The following ST3GAL1 variants were observed in gnomAD, a reference collection of about 807,000 sequenced individuals.
The protein encoded by ST3GAL1 is CMP-N-acetylneuraminate-beta-galactosamide-alpha-2,3-sialyltransferase 1.
A neutral mutation model predicts 34.1 loss-of-function variants in ST3GAL1; 16 were observed. That is an observed-to-expected ratio of 0.47 (90% CI 0.32 to 0.71). The LOEUF (loss-of-function observed/expected upper bound fraction) is 0.71, where lower values mean the gene tolerates loss of function less well. Among genes scored for constraint, ST3GAL1 ranks in the 30% least tolerant of loss-of-function variants. The pLI, the probability that ST3GAL1 is intolerant of heterozygous loss-of-function variation, is 0.04. For missense variants in ST3GAL1, 353 were observed against 447.4 expected (o/e 0.79, Z 1.90); for synonymous variants, 191 against 184.7 (o/e 1.03, Z -0.28).
chr8:133,543,267 G>A (rs934626194), intron 2 of ST3GAL1, among the ~76,000 whole-genome samples: 6 of 152,222 alleles, frequency 3.9e-5, no homozygotes, highest in Non-Finnish European at 4.4e-5. Context: ...AAAGGTTAAC[G>A]TGCTGAAATA....
At chr8:133,490,372 G>GT (rs1272773580) in intron 3 of ST3GAL1, among the ~76,000 whole-genome samples, 6 of 152,206 alleles carry the variant, frequency 3.9e-5, no homozygotes, top group Non-Finnish European at 7.3e-5. Flanking sequence ...GGCGGCATGC[G>GT]TATCTTCACT....
chr8:133,489,558 C>T (rs1248685053), intron 3 of ST3GAL1: 1 of 152,394 alleles, frequency 6.6e-6, no homozygotes, highest in Non-Finnish European at 1.5e-5. Context: ...ATTTCATCCT[C>T]AGGCTCATGA....
Position 133,544,565 on chromosome 8 carries a change from CT to C in ST3GAL1, c.-429+1208del, listed in dbSNP as rs143999691. On this transcript the variant is annotated intron_variant, in intron 2 of 9. Coordinates refer to ENST00000522652, the MANE Select transcript of ST3GAL1 (RefSeq NM_173344.3). ...TTCTTCCTCTCCTTGTTTCTTATCG[CT>C]CTTGCCCATATATCTACCCCTTGGG... Among the ~76,000 whole-genome samples, 1,061 of 152,298 alleles carry C rather than the reference CT, an allele frequency of 7.0e-3. 15 individuals carry two copies. The highest frequency in any genetic ancestry group is 0.024 in the African/African-American group (1,012 of 41,552).
At chr8:133,558,411 G>A (rs1401326669) in intron 1 of ST3GAL1, among the ~76,000 whole-genome samples, 4 of 152,180 alleles carry the variant, frequency 2.6e-5, no homozygotes, top group Non-Finnish European at 2.9e-5. Flanking sequence ...TGAAGGACAC[G>A]CAGTTAGGCA....
chr8:133,474,002 G>C (rs1816065722), intron 5 of ST3GAL1, among the ~76,000 whole-genome samples: 1 of 152,188 alleles, frequency 6.6e-6, no homozygotes, highest in African/African-American at 2.4e-5. Flanking sequence ...GCCCACCCCA[G>C]GACCTGCACA....
intron 1 of ST3GAL1, among the ~76,000 whole-genome samples, chr8:133,560,779 C>T (rs987358798): frequency 2.6e-5 from 4 of 152,168 alleles, no homozygotes; most frequent in African/African-American, 9.7e-5. Flanking sequence ...AAATGGTGCA[C>T]TTATAAATCC....
intron 3 of ST3GAL1, among the ~76,000 whole-genome samples, chr8:133,486,369 C>T (rs1298173257): frequency 6.6e-6 from 1 of 152,222 alleles, no homozygotes. Flanking sequence ...TGTGAGCCCT[C>T]CCTTCCCTTG....
In ST3GAL1 at chr8:133,461,862, G is replaced by C; in HGVS notation, c.849+13C>G. ...TTCGAGGCAGCCCTGTGGGCAGGGG[G>C]AGGGTGGCATACCTCATCGCAGACA... is the stretch of plus-strand genomic sequence containing the variant. On this transcript the variant is annotated intron_variant, in intron 9 of 9. Transcript: ENST00000522652. This position sits in a 1 kb window ranked among gnomAD's most constrained non-coding sequence, Gnocchi z 4.7. The C allele has an allele frequency of 1.2e-6, 2 of 1,613,976 alleles. No homozygotes were observed. The highest frequency in any genetic ancestry group is 1.7e-6 in the Non-Finnish European group (2 of 1,179,918).
chr8:133,495,209 T>C (rs1816908482), intron 3 of ST3GAL1, among the ~76,000 whole-genome samples: 1 of 152,136 alleles, frequency 6.6e-6, no homozygotes, highest in Admixed American at 6.5e-5. Context: ...TGAGCCACCG[T>C]GCCCAGCCTC....
chr8:133,509,683 T>C (rs1412246434), intron 2 of ST3GAL1, among the ~76,000 whole-genome samples: 2 of 152,212 alleles, frequency 1.3e-5, no homozygotes, highest in Non-Finnish European at 2.9e-5. Context: ...GTAAAAGGGA[T>C]AATTTTACAG....
chr8:133,558,062 A>G (rs1415862569), intron 1 of ST3GAL1, among the ~76,000 whole-genome samples: 1 of 152,224 alleles, frequency 6.6e-6, no homozygotes, highest in Non-Finnish European at 1.5e-5. Flanking sequence ...TCCTAAGAGC[A>G]CCATTCTGCC....
At position 133,553,698 on chromosome 8, in the gene ST3GAL1, T is replaced by C. The variant is rs774978808; in HGVS notation, c.-581-7772A>G. Among the ~76,000 whole-genome samples the C allele has an allele frequency of 3.8e-4, 58 of 152,272 alleles. 1 individual carries two copies. The highest frequency in any genetic ancestry group is 1.3e-3 in the African/African-American group (54 of 41,538). ...GCGAGTATCTTTCTGTTATCATCAT[T>C]TGAGGGCACTTAGTAAAGCATAGAG... On this transcript the variant is annotated intron_variant, in intron 1 of 9. Transcript: ENST00000522652.
At position 133,556,115 on chromosome 8, in the gene ST3GAL1, C is replaced by T. The variant is rs1026369942; in HGVS notation, c.-581-10189G>A. On this transcript the variant is annotated intron_variant, in intron 1 of 9. Coordinates refer to ENST00000522652, the MANE Select transcript of ST3GAL1 (RefSeq NM_173344.3). The surrounding 1 kb of genome is among the most constrained non-coding windows in gnomAD (Gnocchi z 8.9). ...TTCATCATGTTGCCCAGGCTGATCT[C>T]GAACTCCTGAGCTCAGGCAATCCAC... 9.9e-5 allele frequency among the ~76,000 whole-genome samples: 15 copies of T among 152,228 alleles called. No individual in the cohort carries two copies. The highest frequency in any genetic ancestry group is 1.9e-4 in the East Asian group (1 of 5,178).
chr8:133,544,094 T>C (rs1330120047), intron 2 of ST3GAL1: 1 of 152,230 alleles, frequency 6.6e-6, no homozygotes, highest in Non-Finnish European at 1.5e-5. Flanking sequence ...TTGTTCTTGC[T>C]TGTGCTTGGG....
intron 3 of ST3GAL1, among the ~76,000 whole-genome samples, chr8:133,484,848 T>C (rs1816522320): frequency 6.6e-6 from 1 of 152,166 alleles, no homozygotes; most frequent in Non-Finnish European, 1.5e-5. Context: ...CCGCTGACCC[T>C]GGGTGATGAG....
intron 2 of ST3GAL1, among the ~76,000 whole-genome samples, chr8:133,540,818 T>TAG (rs1446083763): frequency 2.2e-5 from 3 of 137,476 alleles, no homozygotes; most frequent in Admixed American, 7.4e-5. Flanking sequence ...GAGACATATA[T>TAG]ATATAGACAT....
chr8:133,535,536 T>TTTTTTTTTTTTTTTTTTTTTTAA (rs1818285306), intron 2 of ST3GAL1, among the ~76,000 whole-genome samples: 1 of 150,702 alleles, frequency 6.6e-6, no homozygotes, highest in African/African-American at 2.4e-5. Context: ...TTTTTTTTTT[T>TTTTTTTTTTTTTTTTTTTTTTAA]AGAAACAAGG....
In ST3GAL1 at chr8:133,503,063, T is replaced by C. The variant is rs181484650; in HGVS notation, c.-428-3874A>G. ...TAGCGACTACCTTCACCCTGGACCT[T>C]AAACTGAGAAAATTCACAGAGCATT... On this transcript the variant is annotated intron_variant, in intron 2 of 9. Transcript: ENST00000522652. 3.6e-3 allele frequency among the ~76,000 whole-genome samples: 555 copies of C among 152,304 alleles called. 2 individuals carry two copies. Among genetic ancestry groups the C allele is most frequent in the African/African-American group, 0.012 (504 of 41,564 alleles).
intron 3 of ST3GAL1, among the ~76,000 whole-genome samples, chr8:133,487,628 C>T (rs530306022): frequency 2.0e-5 from 3 of 152,276 alleles, no homozygotes; most frequent in South Asian, 2.1e-4. Context: ...CACTGGGCTC[C>T]GGCCATCTAG....
Sources: gnomAD v4.1 joint callset for allele counts (sites outside exome capture counted in the v4.1 genomes callset) on GRCh38, gnomAD v4.1.1 for gene constraint, Gnocchi (gnomAD v3.1) non-coding constraint, MANE v1.5 for transcripts, NCBI Gene and HGNC (gene_info 2026-07-23, HGNC 2026-07-21) for gene names.